Variants in TCF25 observed in about 807,000 individuals in gnomAD.
The protein encoded by TCF25 is TCF25 ribosome quality control complex subunit, also known as ribosome quality control complex subunit TCF25.
TCF25 carries 41 observed loss-of-function variants against 83.1 expected under a neutral mutation model. The ratio of observed to expected loss-of-function variants is 0.49; its 90% CI spans 0.38 to 0.64. TCF25 has a LOEUF of 0.64. TCF25 is among the 30% of genes least tolerant of loss of function. The probability of loss-of-function intolerance (pLI) is 0.00; values close to 1 mark genes in which losing one functional copy is unlikely to be tolerated. For missense variants in TCF25, 979 were observed against 914.5 expected (o/e 1.07, Z -0.91); for synonymous variants, 458 against 365.0 (o/e 1.25, Z -2.90).
At chr16:89,896,741 A>T (rs2043887272) in intron 9 of TCF25, among the ~76,000 whole-genome samples, 1 of 151,874 alleles carries the variant, frequency 6.6e-6, no homozygotes, top group African/African-American at 2.4e-5. Flanking sequence ...TTTCTAGTAG[A>T]GACGAGGTTT....
intron 16 of TCF25, chr16:89,909,027 C>T (rs1486870348): frequency 8.5e-6 from 11 of 1,289,428 alleles, no homozygotes; most frequent in Middle Eastern, 2.1e-4. Context: ...TTGCAGGCCA[C>T]GTTCTTTCCC....
intron 16 of TCF25, 58 bp from the exon 17 acceptor site, chr16:89,910,533 T>C: frequency 6.3e-7 from 1 of 1,583,578 alleles, no homozygotes; most frequent in East Asian, 2.2e-5. Flanking sequence ...GTGAGCCGGG[T>C]TGGGTCCCAC....
chr16:89,895,164 C>T (rs2043751528), intron 8 of TCF25, 27 bp downstream of exon 8: 1 of 1,602,514 alleles, frequency 6.2e-7, no homozygotes, highest in Non-Finnish European at 8.5e-7. Context: ...ACCCCATTCC[C>T]CTCAGCTGTG....
chr16:89,908,860 G>A, intron 16 of TCF25: 2 of 1,138,324 alleles, frequency 1.8e-6, no homozygotes, highest in African/African-American at 1.9e-5. Flanking sequence ...GCTCTCTCCT[G>A]CAGCTCTGAG....
intron 1 of TCF25, among the ~76,000 whole-genome samples, chr16:89,876,927 TA>T (rs71137687): frequency 3.1e-3 from 209 of 68,028 alleles, no homozygotes; most frequent in South Asian, 0.011. Flanking sequence ...AGACTCCATC[TA>T]AAAAAAAAAA....
In TCF25 at chr16:89,906,222, A is replaced by C. The variant is rs762555799; in HGVS notation, c.1657A>C (p.Arg553=). Residue 553 remains arginine (R), a synonymous_variant, in exon 15 of 18, where the codon AGG becomes CGG. Transcript: ENST00000263346. ...GAAGGTGCTCTACCAGCGTGCACCCAGGAATATCCACCGCCATGTGATCCT... is the reference window on the plus strand; with the variant it reads ...GAAGGTGCTCTACCAGCGTGCACCCCGGAATATCCACCGCCATGTGATCCT... The part of the protein sequence containing the change: ...RRKVLYQRAP[R]NIHRHVILSE... 1.2e-5 allele frequency: 19 copies of C among 1,613,328 alleles called. No homozygotes were observed. The Admixed American group carries it at 2.3e-4, about 20-fold the overall frequency.
chr16:89,881,829 G>A lies in TCF25; in HGVS notation c.193-1522G>A, dbSNP rs540632223. Among the ~76,000 whole-genome samples, 164 of 151,824 alleles carry A rather than the reference G, an allele frequency of 1.1e-3. 1 individual carries two copies. The highest frequency in any genetic ancestry group is 2.1e-3 in the Non-Finnish European group (141 of 67,984). ...GAGTGCAGTGGCATAATCTTGGCTCGCTGCAACCTCTGCCTCCCGGATTCA... is the reference window on the plus strand; with the variant it reads ...GAGTGCAGTGGCATAATCTTGGCTCACTGCAACCTCTGCCTCCCGGATTCA... On this transcript the variant is annotated intron_variant, in intron 1 of 17. Coordinates refer to ENST00000263346, the MANE Select transcript of TCF25 (RefSeq NM_014972.3).
intron 7 of TCF25, 41 bp from the exon 8 acceptor site, chr16:89,894,997 G>C (rs765431554): frequency 4.4e-6 from 7 of 1,583,056 alleles, no homozygotes; most frequent in Non-Finnish European, 6.1e-6. Context: ...CTGGGGCCTT[G>C]CTGAGTGCCT....
chr16:89,905,545 C>T (rs1043274491), intron 14 of TCF25, among the ~76,000 whole-genome samples: 3 of 152,212 alleles, frequency 2.0e-5, no homozygotes, highest in African/African-American at 7.2e-5. Flanking sequence ...TTGTCTGCGC[C>T]CTTGGCCCTG....
intron 8 of TCF25, 32 bp from the exon 9 acceptor site, chr16:89,895,958 G>A (rs868832018): frequency 6.2e-7 from 1 of 1,600,942 alleles, no homozygotes; most frequent in Middle Eastern, 1.7e-4. Flanking sequence ...GTGTGGCCAT[G>A]ACACCCTCCC....
Position 89,885,857 on chromosome 16 carries a change from C to G in TCF25, c.439C>G (p.Leu147Val), listed in dbSNP as rs1231469176. The change falls in exon 4 of 18, where the codon CTA (leucine) becomes GTA (valine). Residue 147 changes from leucine (L) to valine (V), a missense_variant. Transcript: ENST00000263346. ...SSTGEASENGLEDIDRILERI... is the reference protein window; with the variant it reads ...SSTGEASENGVEDIDRILERI... ...GTTTTGGGGCTTTTAGGAAAACGGA[C>G]TAGAAGATATCGATCGCATCCTAGA... 3.7e-6 allele frequency: 6 copies of G among 1,610,402 alleles called. No homozygotes were observed. The highest frequency in any genetic ancestry group is 2.7e-5 in the African/African-American group (2 of 74,968).
intron 1 of TCF25, among the ~76,000 whole-genome samples, chr16:89,877,839 G>A (rs1023284937): frequency 6.6e-6 from 1 of 152,184 alleles, no homozygotes; most frequent in African/African-American, 2.4e-5. Context: ...AGTAACGGGC[G>A]ATAAGGAACT....
intron 1 of TCF25, among the ~76,000 whole-genome samples, chr16:89,881,696 C>T (rs561707624): frequency 2.0e-5 from 3 of 152,196 alleles, no homozygotes; most frequent in Non-Finnish European, 4.4e-5. Context: ...CCTCCTGCCT[C>T]AGCCTCCCAA....
chr16:89,883,764 G>C (rs1567700189), intron 2 of TCF25: 1 of 445,618 alleles, frequency 2.2e-6, no homozygotes, highest in African/African-American at 2.0e-5. Flanking sequence ...CCGCACACGT[G>C]TGTCCCTCCT....
In TCF25 at chr16:89,906,234, C is replaced by T; in HGVS notation, c.1669C>T (p.Arg557Cys). The T allele has an allele frequency of 4.3e-6, 7 of 1,613,450 alleles. No individual in the cohort carries two copies. The highest frequency in any genetic ancestry group is 1.3e-5 in the African/African-American group (1 of 75,054). Residue 557 changes from arginine to cysteine, a missense_variant, in exon 15 of 18, where the codon CGC (arginine) becomes TGC (cysteine). Coordinates refer to ENST00000263346, the MANE Select transcript of TCF25 (RefSeq NM_014972.3). ...CCAGCGTGCACCCAGGAATATCCAC[C>T]GCCATGTGATCCTCTCTGAGATCAA... Reference protein sequence around the residue: ...LYQRAPRNIHRHVILSEIKEA... With the variant: ...LYQRAPRNIHCHVILSEIKEA...
At position 89,888,125 on chromosome 16, in the gene TCF25, C is replaced by T. The variant is rs529774977; in HGVS notation, c.614+408C>T. On this transcript the variant is annotated intron_variant, in intron 5 of 17. Coordinates refer to ENST00000263346, the MANE Select transcript of TCF25 (RefSeq NM_014972.3). ...ACTGAAAATACAAAAATTAGCTGGG[C>T]GTGGTGGGCAGGCATCTGTAATCCC... is the stretch of plus-strand genomic sequence containing the variant. 3.0e-4 allele frequency among the ~76,000 whole-genome samples: 46 copies of T among 151,744 alleles called. No individual in the cohort carries two copies. In the South Asian group the frequency reaches 5.0e-3, roughly 17 times the overall value.
chr16:89,897,468 C>A (rs1326662576), intron 9 of TCF25, among the ~76,000 whole-genome samples: 1 of 152,262 alleles, frequency 6.6e-6, no homozygotes, highest in Non-Finnish European at 1.5e-5. Flanking sequence ...CTCCTACCCT[C>A]TCAGCCCTCC....
In TCF25 at chr16:89,906,023, A is replaced by G. The variant is rs958321640; in HGVS notation, c.1629-171A>G. On this transcript the variant is annotated intron_variant, in intron 14 of 17. Transcript: ENST00000263346. ...CCCAGAGGCTCCCCAGCCGCAGGCC[A>G]GGGACCAGCCATGGTGCCTCTGCTC... The G allele has an allele frequency of 4.2e-5, 26 of 621,926 alleles. No individual in the cohort carries two copies. The Admixed American group carries it at 5.2e-4, about 12-fold the overall frequency. The allele number at this position is 621,926 out of a possible 1,614,324, so 38.5% of individuals were successfully genotyped here.
chr16:89,910,528 C>A (rs1210361927), intron 16 of TCF25, 63 bp from the exon 17 acceptor site: 2 of 1,569,138 alleles, frequency 1.3e-6, no homozygotes, highest in African/African-American at 1.3e-5. Flanking sequence ...GCCCCGTGAG[C>A]CGGGTTGGGT....
Sources: allele counts gnomAD v4.1 joint callset (sites outside exome capture counted in the v4.1 genomes callset), GRCh38; gene constraint gnomAD v4.1.1; transcripts MANE v1.5; gene names NCBI Gene and HGNC (gene_info 2026-07-23, HGNC 2026-07-21).